Variants in KAZN observed in about 807,000 individuals in gnomAD.
The protein encoded by KAZN is kazrin, periplakin interacting protein, also known as kazrin.
KAZN carries 40 observed loss-of-function variants against 87.4 expected under a neutral mutation model. That is an observed-to-expected ratio of 0.46 (90% confidence interval 0.36 to 0.60). The LOEUF (loss-of-function observed/expected upper bound fraction) is 0.60, where lower values mean the gene tolerates loss of function less well. KAZN is among the 20% of genes least tolerant of loss of function. KAZN has a pLI of 0.00. For synonymous variants in KAZN, 466 were observed against 458.3 expected (o/e 1.02, Z -0.22); for missense variants, 898 against 1,073.9 (o/e 0.84, Z 2.29).
intron 1 of KAZN, among the ~76,000 whole-genome samples, chr1:14,159,361 A>G (rs1645662760): frequency 6.6e-6 from 1 of 152,188 alleles, no homozygotes; most frequent in Non-Finnish European, 1.5e-5. Flanking sequence ...TTCCAAGGGC[A>G]GAAGAGCCTT....
At chr1:15,101,821 TC>T in intron 11 of KAZN, 47 bp downstream of exon 11, 2 of 1,277,048 alleles carry the variant, frequency 1.6e-6, no homozygotes, top group South Asian at 1.3e-5. Context: ...TGCCCACCCC[TC>T]CCCTCTTGGC....
chr1:14,062,147 T>A (rs1029206414), intron 1 of KAZN, among the ~76,000 whole-genome samples: 1 of 152,100 alleles, frequency 6.6e-6, no homozygotes, highest in African/African-American at 2.4e-5. Context: ...CACCAAATAA[T>A]AAGAAGATGT....
intron 2 of KAZN, among the ~76,000 whole-genome samples, chr1:15,018,068 C>T (rs1256127001): frequency 6.6e-6 from 1 of 152,056 alleles, no homozygotes; most frequent in Admixed American, 6.5e-5. Context: ...CCCTTTTCTC[C>T]CCCTCCATTT....
intron 1 of KAZN, among the ~76,000 whole-genome samples, chr1:13,901,157 A>G (rs1327587588): frequency 6.6e-6 from 1 of 151,976 alleles, no homozygotes; most frequent in Non-Finnish European, 1.5e-5. Flanking sequence ...CCCTCCAATC[A>G]CAAAAGGATG....
intron 1 of KAZN, among the ~76,000 whole-genome samples, chr1:14,906,988 C>CCTCG (rs1027123213): frequency 2.0e-5 from 3 of 152,004 alleles, no homozygotes; most frequent in African/African-American, 7.2e-5. Context: ...TGTCCTCTGA[C>CCTCG]CTCGCTACTC....
chr1:14,861,411 C>T (rs1480703798), intron 1 of KAZN, among the ~76,000 whole-genome samples: 1 of 152,132 alleles, frequency 6.6e-6, no homozygotes, highest in East Asian at 1.9e-4. Flanking sequence ...AAACTGCAAA[C>T]GCTTTTGCAC....
chr1:15,053,554 GA>G (rs1258876292), intron 4 of KAZN, among the ~76,000 whole-genome samples: 2 of 152,214 alleles, frequency 1.3e-5, no homozygotes, highest in Admixed American at 1.3e-4. Flanking sequence ...TGAGCAGACA[GA>G]ACTGGCCCAC....
intron 2 of KAZN, among the ~76,000 whole-genome samples, chr1:14,392,936 T>C (rs185990017): frequency 9.2e-5 from 14 of 152,262 alleles, no homozygotes; most frequent in East Asian, 3.9e-4. Context: ...GGGGAGGGTA[T>C]TGTTTGCCTT....
At chr1:14,023,071 T>G (rs1367344600) in intron 1 of KAZN, among the ~76,000 whole-genome samples, 3 of 152,018 alleles carry the variant, frequency 2.0e-5, no homozygotes, top group African/African-American at 7.2e-5. Flanking sequence ...TCCCAACACT[T>G]TGGGAGGCTG....
At chr1:14,440,182 G>A (rs548345596) in intron 2 of KAZN, among the ~76,000 whole-genome samples, 3 of 152,278 alleles carry the variant, frequency 2.0e-5, no homozygotes, top group South Asian at 2.1e-4. Context: ...CACAAAGAAG[G>A]TACTCTGTAA....
At chr1:14,684,942 T>C (rs1477128403) in intron 1 of KAZN, among the ~76,000 whole-genome samples, 4 of 152,178 alleles carry the variant, frequency 2.6e-5, no homozygotes, top group African/African-American at 4.8e-5. Flanking sequence ...TTGGGGGCCA[T>C]TATACAGGCT....
chr1:14,000,281 C>G (rs12564354), intron 1 of KAZN, among the ~76,000 whole-genome samples: 1 of 152,058 alleles, frequency 6.6e-6, no homozygotes, highest in Non-Finnish European at 1.5e-5. Flanking sequence ...TGATGAACAT[C>G]GATGCAAAAA....
intron 1 of KAZN, among the ~76,000 whole-genome samples, chr1:14,925,394 C>A (rs112064605): frequency 3.9e-5 from 6 of 152,150 alleles, no homozygotes; most frequent in Non-Finnish European, 8.8e-5. Flanking sequence ...CCGGGAAAAA[C>A]GGGAGGGGGA....
intron 1 of KAZN, among the ~76,000 whole-genome samples, chr1:14,099,396 T>C (rs1159682982): frequency 6.6e-6 from 1 of 152,172 alleles, no homozygotes; most frequent in African/African-American, 2.4e-5. Context: ...ACTTCCTACT[T>C]AGCCCTTTAG....
At chr1:14,299,492 G>A (rs1654376541) in intron 2 of KAZN, among the ~76,000 whole-genome samples, 1 of 152,158 alleles carries the variant, frequency 6.6e-6, no homozygotes, top group Non-Finnish European at 1.5e-5. Flanking sequence ...GACAGAGCAA[G>A]CAAGACTGTC....
intron 2 of KAZN, among the ~76,000 whole-genome samples, chr1:14,349,771 C>T (rs933006964): frequency 1.3e-5 from 2 of 152,144 alleles, no homozygotes; most frequent in Non-Finnish European, 2.9e-5. Flanking sequence ...GAGGTAGGGA[C>T]AGCCTGGCCT....
chr1:14,010,324 A>G (rs1482850953), intron 1 of KAZN, among the ~76,000 whole-genome samples: 1 of 152,228 alleles, frequency 6.6e-6, no homozygotes, highest in Non-Finnish European at 1.5e-5. Flanking sequence ...CAAATGATAC[A>G]TCATCTTCTG....
intron 1 of KAZN, among the ~76,000 whole-genome samples, chr1:14,797,103 C>T (rs978476709): frequency 7.2e-5 from 11 of 152,092 alleles, no homozygotes; most frequent in African/African-American, 2.7e-4. Flanking sequence ...TCTCGTTGCC[C>T]AGGTTGGAGT....
At chr1:14,696,143 C>G (rs1233216537) in intron 1 of KAZN, among the ~76,000 whole-genome samples, 1 of 152,200 alleles carries the variant, frequency 6.6e-6, no homozygotes, top group Non-Finnish European at 1.5e-5. Context: ...CCCCTAGTGT[C>G]AGTATCTCAG....
Sources: gnomAD v4.1 joint callset for allele counts (sites outside exome capture counted in the v4.1 genomes callset) on GRCh38, gnomAD v4.1.1 for gene constraint, MANE v1.5 for transcripts, NCBI Gene and HGNC (gene_info 2026-07-23, HGNC 2026-07-21) for gene names.